Variants in GAS7 observed in about 807,000 individuals in gnomAD.
GAS7 encodes the protein growth arrest specific 7.
Under a neutral mutation model 71.1 loss-of-function variants are expected in GAS7, and 28 were observed. The observed-to-expected ratio is 0.39, with a 90% CI of 0.29 to 0.54. The LOEUF (loss-of-function observed/expected upper bound fraction) is 0.54. Ranked by LOEUF, GAS7 falls within the 20% of genes least tolerant of loss-of-function variation. The pLI, the probability that GAS7 is intolerant of heterozygous loss-of-function variation, is 0.62. For synonymous variants in GAS7, 258 were observed against 245.8 expected, an observed-to-expected ratio of 1.05 and a Z score of -0.46; for missense variants, 436 against 627.8, an observed-to-expected ratio of 0.69 and a Z score of 3.27.
chr17:10,180,023 G>T (rs568563380), intron 1 of GAS7, among the ~76,000 whole-genome samples: 50 of 152,230 alleles, frequency 3.3e-4, no homozygotes, highest in African/African-American at 1.1e-3. Context: ...TCTGATGTGG[G>T]CCTTATTATT....
rs1331586828 is a variant in GAS7, at chr17:9,969,579, G to A, written c.471+98C>T. 6.6e-6 allele frequency: 5 copies of A among 753,012 alleles called. No individual in the cohort carries two copies. Among genetic ancestry groups the A allele is most frequent in the Non-Finnish European group, 1.2e-5 (5 of 420,572 alleles). The allele number at this position is 753,012 out of a possible 1,614,324, so 46.6% of individuals were successfully genotyped here. ...ACTTTCTACCTGGGGGCAGAACTGG[G>A]CTGCAGCCACCTGGACTCCCATGAT... On this transcript the variant is annotated intron_variant, in intron 4 of 13. Transcript: ENST00000432992. This position sits in a 1 kb window ranked among gnomAD's most constrained non-coding sequence, Gnocchi z 5.5.
At chr17:9,956,277 G>A (rs1180998238) in intron 5 of GAS7, among the ~76,000 whole-genome samples, 1 of 152,148 alleles carries the variant, frequency 6.6e-6, no homozygotes, top group African/African-American at 2.4e-5. Context: ...AAGCTGATCT[G>A]GGAGGGTATG....
chr17:10,154,698 A>G (rs1398132832), intron 1 of GAS7, among the ~76,000 whole-genome samples: 2 of 152,120 alleles, frequency 1.3e-5, no homozygotes, highest in Non-Finnish European at 2.9e-5. Context: ...AGAGTGACTG[A>G]GCAGAGATTC....
chr17:9,923,057 C>T (rs2067874289), intron 11 of GAS7, among the ~76,000 whole-genome samples: 1 of 152,140 alleles, frequency 6.6e-6, no homozygotes, highest in Non-Finnish European at 1.5e-5. Flanking sequence ...TACAGGCACA[C>T]ACCACCACAC....
intron 1 of GAS7, among the ~76,000 whole-genome samples, chr17:10,195,996 T>A (rs1160649352): frequency 6.6e-6 from 1 of 152,114 alleles, no homozygotes; most frequent in Non-Finnish European, 1.5e-5. Context: ...CTGAGTAAAG[T>A]CACACTTTGG....
intron 5 of GAS7, among the ~76,000 whole-genome samples, chr17:9,948,702 G>C (rs982634804): frequency 6.6e-6 from 1 of 152,056 alleles, no homozygotes; most frequent in African/African-American, 2.4e-5. Flanking sequence ...AAAAAATCTG[G>C]GTTGCACGTG....
At chr17:10,188,790 C>T (rs898237403) in intron 1 of GAS7, among the ~76,000 whole-genome samples, 15 of 152,102 alleles carry the variant, frequency 9.9e-5, no homozygotes, top group African/African-American at 3.6e-4. Flanking sequence ...AGGCATGAAC[C>T]ATCACACCCA....
chr17:9,936,444 C>T (rs1192247306), intron 8 of GAS7, among the ~76,000 whole-genome samples: 1 of 152,168 alleles, frequency 6.6e-6, no homozygotes, highest in Non-Finnish European at 1.5e-5. Context: ...AATGTCATCT[C>T]TGGGCAACTG....
In GAS7 at chr17:9,969,642, G is replaced by T; in HGVS notation, c.471+35C>A. 1 of 1,283,464 alleles carries T rather than the reference G, an allele frequency of 7.8e-7. No homozygotes were observed. The highest frequency in any genetic ancestry group is 1.1e-6 in the Non-Finnish European group (1 of 878,438). The allele number at this position is 1,283,464 out of a possible 1,614,324, so 79.5% of individuals were successfully genotyped here. A position where few individuals can be genotyped will look rare whatever the true frequency, so the allele number is the denominator to read the frequency against. On this transcript the variant is annotated intron_variant, in intron 4 of 13. Coordinates refer to ENST00000432992, the MANE Select transcript of GAS7 (RefSeq NM_201433.2). This position sits in a 1 kb window ranked among gnomAD's most constrained non-coding sequence, Gnocchi z 5.5. ...GCAGTTTCCTAGGCCTGCAGAAGCA[G>T]TGACCGCTATACCTCCCTCAACAGG... is the stretch of plus-strand genomic sequence containing the variant.
intron 8 of GAS7, among the ~76,000 whole-genome samples, chr17:9,939,672 C>T (rs1362226294): frequency 1.3e-5 from 2 of 152,026 alleles, no homozygotes; most frequent in African/African-American, 4.8e-5. Flanking sequence ...TGCAGTGGCC[C>T]GATCGCAGCT....
Position 9,974,277 on chromosome 17 carries a change from G to C in GAS7, c.386-4515C>G, listed in dbSNP as rs2070093482. 6.6e-6 allele frequency among the ~76,000 whole-genome samples: 1 copy of C among 152,206 alleles called. No individual in the cohort carries two copies. The highest frequency in any genetic ancestry group is 6.5e-5 in the Admixed American group (1 of 15,276). On this transcript the variant is annotated intron_variant, in intron 3 of 13. Coordinates refer to ENST00000432992, the MANE Select transcript of GAS7 (RefSeq NM_201433.2). This position sits in a 1 kb window ranked among gnomAD's most constrained non-coding sequence, Gnocchi z 4.0. ...ACTTGAAGTCTCCCGGGCACATTCA[G>C]AATACGTCTCAGTGGAGATCTAGAC... is the stretch of plus-strand genomic sequence containing the variant.
chr17:9,964,597 T>C (rs1329947469), intron 4 of GAS7, among the ~76,000 whole-genome samples: 1 of 152,198 alleles, frequency 6.6e-6, no homozygotes, highest in Admixed American at 6.5e-5. Flanking sequence ...CTTTGCCAAG[T>C]GAAACCCTTG....
chr17:10,145,215 G>A (rs759223342), intron 1 of GAS7, among the ~76,000 whole-genome samples: 1 of 152,224 alleles, frequency 6.6e-6, no homozygotes, highest in African/African-American at 2.4e-5. Flanking sequence ...TACTGCTAAG[G>A]AAAAGAACCG....
intron 1 of GAS7, among the ~76,000 whole-genome samples, chr17:10,069,018 T>C (rs12601065): frequency 0.064 from 9,747 of 152,198 alleles, 322 homozygotes; most frequent in Admixed American, 0.087. Flanking sequence ...AGGCATCCCC[T>C]GCCTAGCACA....
intron 5 of GAS7, among the ~76,000 whole-genome samples, chr17:9,956,335 G>A (rs2069234982): frequency 6.6e-6 from 1 of 152,156 alleles, no homozygotes; most frequent in Non-Finnish European, 1.5e-5. Flanking sequence ...GAGAAGAAGA[G>A]TAGACAGGAC....
intron 5 of GAS7, among the ~76,000 whole-genome samples, chr17:9,947,601 G>A (rs913609136): frequency 6.6e-6 from 1 of 151,978 alleles, no homozygotes; most frequent in Non-Finnish European, 1.5e-5. Flanking sequence ...AAAATTAGCT[G>A]GGCGTAGTGG....
intron 1 of GAS7, among the ~76,000 whole-genome samples, chr17:10,091,875 G>A (rs1376147946): frequency 6.6e-6 from 1 of 151,754 alleles, no homozygotes; most frequent in Non-Finnish European, 1.5e-5. Context: ...GTAGAGAGAG[G>A]GTTTTGCCAT....
chr17:10,128,029 G>A (rs562325785), intron 1 of GAS7, among the ~76,000 whole-genome samples: 11 of 152,172 alleles, frequency 7.2e-5, no homozygotes, highest in African/African-American at 1.9e-4. Context: ...CAGCACCGGC[G>A]AGGGATTCAG....
At chr17:10,061,862 T>C (rs143602024) in intron 1 of GAS7, among the ~76,000 whole-genome samples, 245 of 152,264 alleles carry the variant, frequency 1.6e-3, no homozygotes, top group Non-Finnish European at 2.6e-3. Flanking sequence ...TGGCACTCCA[T>C]GTGTAGCCTG....
Sources: gnomAD v4.1 joint callset for allele counts (sites outside exome capture counted in the v4.1 genomes callset) on GRCh38, gnomAD v4.1.1 for gene constraint, Gnocchi (gnomAD v3.1) non-coding constraint, MANE v1.5 for transcripts, NCBI Gene and HGNC (gene_info 2026-07-23, HGNC 2026-07-21) for gene names.